MYO9B: variants seen among roughly 807,000 people sequenced by gnomAD.
MYO9B encodes myosin IXB.
In MYO9B, 71 loss-of-function variants were observed where a neutral mutation model predicts 229.5. The ratio of observed to expected loss-of-function variants is 0.31; its 90% CI spans 0.26 to 0.38. The LOEUF (loss-of-function observed/expected upper bound fraction) is 0.38. MYO9B is among the 10% of genes least tolerant of loss of function. The pLI is 1.00. For synonymous variants in MYO9B, 1,185 were observed against 1,235.8 expected, an observed-to-expected ratio of 0.96 and a Z score of 0.86; for missense variants, 2,255 against 2,920.5, an observed-to-expected ratio of 0.77 and a Z score of 5.25.
chr19:17,195,499 G>A lies in MYO9B; in HGVS notation c.4046+26G>A, dbSNP rs1198664242. The stretch of plus-strand genomic sequence containing the variant: ...GTAAGCCCCACACCCTCTTTTGTCT[G>A]AGCACCAGGGTCCAGGCCAGGTGGG... On this transcript the variant is annotated intron_variant, in intron 22 of 39. Coordinates refer to ENST00000682292, the MANE Select transcript of MYO9B (RefSeq NM_004145.4). The surrounding 1 kb of genome is among the most constrained non-coding windows in gnomAD (Gnocchi z 4.5). 1.9e-6 allele frequency: 3 copies of A among 1,563,098 alleles called. No individual in the cohort carries two copies. Among genetic ancestry groups the A allele is most frequent in the Non-Finnish European group, 2.6e-6 (3 of 1,162,040 alleles).
Position 17,213,133 on chromosome 19 carries a change from G to A in MYO9B, c.*823G>A, listed in dbSNP as rs2073250213. Reference sequence around the variant, plus strand: ...GTCAGGAGGGCAACGCCTGAAGTCAGACCTCCCTATAGGTCAACAGGGACA... The same window carrying A: ...GTCAGGAGGGCAACGCCTGAAGTCAAACCTCCCTATAGGTCAACAGGGACA... On this transcript the variant is annotated 3_prime_UTR_variant, in exon 40 of 40. Coordinates refer to ENST00000682292, the MANE Select transcript of MYO9B (RefSeq NM_004145.4). The A allele has an allele frequency of 6.6e-6, 1 of 152,306 alleles. No homozygotes were observed. Among genetic ancestry groups the A allele is most frequent in the African/African-American group, 2.4e-5 (1 of 41,474 alleles). 9.4% of individuals were successfully genotyped at this position (152,306 alleles called of 1,614,324 possible).
At chr19:17,191,509 G>A (rs2072985418) in intron 20 of MYO9B, among the ~76,000 whole-genome samples, 1 of 152,156 alleles carries the variant, frequency 6.6e-6, no homozygotes, top group South Asian at 2.1e-4. Flanking sequence ...TTTAGGAGAT[G>A]GTCAGTCCCC....
chr19:17,117,946 A>AAAG (rs1445557591), intron 2 of MYO9B, among the ~76,000 whole-genome samples: 1 of 151,386 alleles, frequency 6.6e-6, no homozygotes, highest in African/African-American at 2.4e-5. Context: ...TCAAAAAAAA[A>AAAG]AAAAAAAAAA....
intron 8 of MYO9B, among the ~76,000 whole-genome samples, chr19:17,160,515 T>C (rs899170084): frequency 3.4e-5 from 5 of 148,066 alleles, no homozygotes; most frequent in Non-Finnish European, 6.0e-5. Flanking sequence ...TTTTTCTTTT[T>C]TTTTTTTTTT....
intron 27 of MYO9B, 37 bp downstream of exon 27, chr19:17,202,061 C>T (rs1443135203): frequency 6.2e-7 from 1 of 1,611,336 alleles, no homozygotes; most frequent in South Asian, 1.1e-5. Flanking sequence ...TTCCCATACC[C>T]TGCTCAGACC....
chr19:17,097,850 C>CT (rs1213978198), intron 1 of MYO9B, among the ~76,000 whole-genome samples: 1 of 152,138 alleles, frequency 6.6e-6, no homozygotes, highest in African/African-American at 2.4e-5. Flanking sequence ...GCTTTCCAGG[C>CT]TGTAATATTA....
rs377084017 is a variant in MYO9B, at chr19:17,156,948, C to T, written c.1239C>T (p.Asn413=). ...TCTCGGCCATCCTGTACCTGGGCAA[C>T]GTCACTTATAAGAAGAGAGCTACAG... ...AVLSAILYLG[N]VTYKKRATGR... is the part of the protein sequence containing the mutation. The change falls in exon 7 of 40, where the codon AAC becomes AAT. Residue 413 remains asparagine, a synonymous_variant. Coordinates refer to ENST00000682292, the MANE Select transcript of MYO9B (RefSeq NM_004145.4). 269 of 1,613,826 alleles carry T rather than the reference C, an allele frequency of 1.7e-4. No individual in the cohort carries two copies. The highest frequency in any genetic ancestry group is 6.7e-4 in the Middle Eastern group (4 of 5,980).
chr19:17,189,732 G>C (rs995899301), intron 19 of MYO9B, among the ~76,000 whole-genome samples: 1 of 152,096 alleles, frequency 6.6e-6, no homozygotes, highest in Admixed American at 6.6e-5. Flanking sequence ...CCATCTAAAA[G>C]ATCTAGGACC....
chr19:17,148,542 ATCTCTGCCTC>A (rs1349537274), intron 3 of MYO9B, among the ~76,000 whole-genome samples: 1 of 151,682 alleles, frequency 6.6e-6, no homozygotes, highest in Non-Finnish European at 1.5e-5. Context: ...CATTACTCCC[ATCTCTGCCTC>A]TGTCTTCAGG....
At chr19:17,112,810 A>G (rs2057861276) in intron 2 of MYO9B, among the ~76,000 whole-genome samples, 1 of 152,224 alleles carries the variant, frequency 6.6e-6, no homozygotes, top group Admixed American at 6.5e-5. Flanking sequence ...ACAGACAGCA[A>G]GCTGGGGCAC....
intron 7 of MYO9B, 92 bp from the exon 8 acceptor site, chr19:17,159,303 C>G (rs2072572445): frequency 8.1e-7 from 1 of 1,227,178 alleles, no homozygotes; most frequent in South Asian, 1.3e-5. Context: ...CCAGCTGCCT[C>G]AGGCTCCGGG....
At chr19:17,163,373 T>C (rs953938621) in intron 10 of MYO9B, among the ~76,000 whole-genome samples, 2 of 15,142 alleles carry the variant, frequency 1.3e-4, no homozygotes, top group Non-Finnish European at 1.3e-4. Context: ...CCCATTCCAC[T>C]TTTTTTTTTT....
intron 14 of MYO9B, among the ~76,000 whole-genome samples, chr19:17,176,333 G>T (rs1298265340): frequency 6.6e-6 from 1 of 151,942 alleles, no homozygotes; most frequent in Non-Finnish European, 1.5e-5. Flanking sequence ...ACTGCACCCT[G>T]CCTAATTTTG....
In MYO9B at chr19:17,157,028, A is replaced by G; in HGVS notation, c.1319A>G (p.Gln440Arg). Residue 440 changes from glutamine to arginine, a missense_variant, in exon 7 of 40, where the codon CAG becomes CGG. Coordinates refer to ENST00000682292, the MANE Select transcript of MYO9B (RefSeq NM_004145.4). Reference sequence around the variant, plus strand: ...CCCGAGGTGCTGGACACCCTGTCGCAGCTTCTGAAGGTACTGATTGCCACC... The same window carrying G: ...CCCGAGGTGCTGGACACCCTGTCGCGGCTTCTGAAGGTACTGATTGCCACC... ...GPPEVLDTLSQLLKVKREILV... is the reference protein window; with the variant it reads ...GPPEVLDTLSRLLKVKREILV... 1 of 1,613,450 alleles carries G rather than the reference A, an allele frequency of 6.2e-7. No homozygotes were observed. The highest frequency in any genetic ancestry group is 8.5e-7 in the Non-Finnish European group (1 of 1,179,688).
At chr19:17,163,492 C>T (rs1447893380) in intron 10 of MYO9B, among the ~76,000 whole-genome samples, 2 of 151,720 alleles carry the variant, frequency 1.3e-5, no homozygotes, top group African/African-American at 2.4e-5. Flanking sequence ...CTCGGCCTCC[C>T]GAGTAGCTGG....
chr19:17,160,206 A>G (rs1426907991), intron 8 of MYO9B, among the ~76,000 whole-genome samples: 1 of 152,180 alleles, frequency 6.6e-6, no homozygotes, highest in Non-Finnish European at 1.5e-5. Flanking sequence ...GTGGCATTTC[A>G]AACAGGCACC....
intron 7 of MYO9B, 116 bp downstream of exon 7, chr19:17,157,154 A>T: frequency 7.8e-7 from 1 of 1,277,362 alleles, no homozygotes. Context: ...ATCAACCAGG[A>T]CCTCACGTCT....
chr19:17,079,723 G>C (rs539126499), intron 1 of MYO9B, among the ~76,000 whole-genome samples: 1 of 152,120 alleles, frequency 6.6e-6, no homozygotes, highest in Admixed American at 6.6e-5. Context: ...CGGGACTGAC[G>C]GTCCCTTCTG....
Position 17,195,204 on chromosome 19 carries a change from G to C in MYO9B, c.3777G>C (p.Arg1259Ser). ...ERPTSLALDS[R>S]VSPPAPGSAP... Reference sequence around the variant, plus strand: ...CGACCAGCCTGGCCCTGGACAGCAGGGTCAGCCCACCGGCCCCTGGCAGCG... The same window carrying C: ...CGACCAGCCTGGCCCTGGACAGCAGCGTCAGCCCACCGGCCCCTGGCAGCG... Residue 1259 changes from arginine to serine, a missense_variant, in exon 22 of 40, where the codon AGG becomes AGC. This residue lies in a region of MYO9B where 679 missense variants were observed against 770.2 expected (regional missense o/e 0.88). Transcript: ENST00000682292. The surrounding 1 kb of genome is among the most constrained non-coding windows in gnomAD (Gnocchi z 4.5). 6.2e-7 allele frequency: 1 copy of C among 1,611,860 alleles called. No homozygotes were observed. The highest frequency in any genetic ancestry group is 8.5e-7 in the Non-Finnish European group (1 of 1,179,574).
Sources: gnomAD v4.1 joint callset for allele counts (sites outside exome capture counted in the v4.1 genomes callset) on GRCh38, gnomAD v4.1.1 for gene constraint, gnomAD v4.1.1 regional missense constraint, Gnocchi (gnomAD v3.1) non-coding constraint, MANE v1.5 for transcripts, NCBI Gene and HGNC (gene_info 2026-07-23, HGNC 2026-07-21) for gene names.